Variants in PDIA2 observed in about 807,000 individuals in gnomAD.
The protein encoded by PDIA2 is protein disulfide isomerase family A member 2.
A neutral mutation model predicts 51.1 loss-of-function variants in PDIA2; 76 were observed. That is an observed-to-expected ratio of 1.49 (90% CI 1.24 to 1.80). PDIA2 has a LOEUF of 1.80. PDIA2 is among the 40% of genes most tolerant of loss of function. The pLI is 0.00. For synonymous variants in PDIA2, 429 were observed against 309.9 expected, an observed-to-expected ratio of 1.38 and a Z score of -4.04; for missense variants, 946 against 706.5, an observed-to-expected ratio of 1.34 and a Z score of -3.84.
chr16:286,398 C>T lies in PDIA2; in HGVS notation c.1165C>T (p.Pro389Ser), dbSNP rs771034938. The change falls in exon 8 of 11, where the codon CCA (proline) becomes TCA (serine). Residue 389 changes from proline to serine, a missense_variant. Pro to Ser is a moderately conservative substitution (Grantham distance 74). Coordinates refer to ENST00000219406, the MANE Select transcript of PDIA2 (RefSeq NM_006849.4). ...QEIPPDWDQR[P>S]VKTLVGKNFE... ...GATACCCCCTGATTGGGATCAGCGG[C>T]CAGTTAAGACCCTCGTGGGCAAGAA... The T allele has an allele frequency of 5.6e-6, 9 of 1,611,766 alleles. No individual in the cohort carries two copies. The Admixed American group carries it at 1.5e-4, about 27-fold the overall frequency.
At position 285,528 on chromosome 16, in the gene PDIA2, TGGC is replaced by T. The variant is rs1439244639; in HGVS notation, c.948_950del (p.Ala317del). On this transcript the variant is annotated inframe_deletion, in exon 7 of 11. Transcript: ENST00000219406. The stretch of plus-strand genomic sequence containing the variant: ...CAGGTGCTGTTCGTGGTGGTGGACG[TGGC>T]GGCCGACAATGAGCACGTGCTGCAG... 1 of 1,612,836 alleles carries T rather than the reference TGGC, an allele frequency of 6.2e-7. No homozygotes were observed. The highest frequency in any genetic ancestry group is 2.2e-5 in the East Asian group (1 of 44,870).
chr16:286,306 A>G (rs1468817340), intron 7 of PDIA2, 47 bp from the exon 8 acceptor site: 1 of 1,519,456 alleles, frequency 6.6e-7, no homozygotes. Context: ...GACCTCCTGA[A>G]CCCTGCAGAG....
At position 287,195 on chromosome 16, in the gene PDIA2, A is replaced by G. The variant is rs2052400201; in HGVS notation, c.*82A>G. The stretch of plus-strand genomic sequence containing the variant: ...CAGAGGGAGCTGTGCATTGTGAATA[A>G]AGAGTGAGCTTGGTTCTGGACTCTG... On this transcript the variant is annotated 3_prime_UTR_variant, in exon 11 of 11. Transcript: ENST00000219406. The G allele has an allele frequency of 2.6e-6, 4 of 1,563,648 alleles. No individual in the cohort carries two copies. The highest frequency in any genetic ancestry group is 2.6e-6 in the Non-Finnish European group (3 of 1,138,752).
chr16:284,419 GC>G lies in PDIA2; in HGVS notation c.237del (p.Glu80SerfsTer35). The G allele has an allele frequency of 1.9e-6, 3 of 1,578,030 alleles. No individual in the cohort carries two copies. ...APWCGHCQAL[A>X]PEYSKAAAVL... ...GTGGTGTGGGCACTGCCAGGCCCTG[GC>G]CCCCGAGTACAGCAAGGCAGCTGCC... On this transcript the variant is annotated frameshift_variant, in exon 2 of 11. Coordinates refer to ENST00000219406, the MANE Select transcript of PDIA2 (RefSeq NM_006849.4). LOFTEE classifies it high-confidence loss of function.
Position 286,936 on chromosome 16 carries a change from C to G in PDIA2, c.1524C>G (p.Ala508=), listed in dbSNP as rs1192036072. The change falls in exon 10 of 11, where the codon GCC becomes GCG. Residue 508 remains alanine, a synonymous_variant. Transcript: ENST00000219406. The part of the protein sequence containing the change: ...PTEEPPEEPA[A]PFPEPPANST... ...AGGAGCCCCCGGAGGAGCCAGCAGC[C>G]CCGTTCCCGGTGGGTGTCCCTAAGC... The G allele has an allele frequency of 6.3e-7, 1 of 1,599,808 alleles. No individual in the cohort carries two copies. The highest frequency in any genetic ancestry group is 8.5e-7 in the Non-Finnish European group (1 of 1,174,672).
rs1264196937 is a variant in PDIA2, at chr16:285,290, A to G, written c.796-22A>G. The G allele has an allele frequency of 2.5e-6, 4 of 1,612,314 alleles. No homozygotes were observed. The Admixed American group carries it at 5.0e-5, about 20-fold the overall frequency. ...CCTAGGCTGGGGGTCCTGTGGAGTC[A>G]TGAGCACCCTCCCTACTGTAGACGT... is the stretch of plus-strand genomic sequence containing the variant. On this transcript the variant is annotated intron_variant, in intron 5 of 10. Transcript: ENST00000219406.
rs2052309619 is a variant in PDIA2 at position 283,310 on chromosome 16, G to T, written c.141G>T (p.Leu47=). 1 of 1,610,454 alleles carries T rather than the reference G, an allele frequency of 6.2e-7. No individual in the cohort carries two copies. Among genetic ancestry groups the T allele is most frequent in the African/African-American group, 1.3e-5 (1 of 74,812 alleles). The change falls in exon 1 of 11, where the codon CTG becomes CTT. Residue 47 remains leucine (L), a synonymous_variant. Coordinates refer to ENST00000219406, the MANE Select transcript of PDIA2 (RefSeq NM_006849.4). ...EIPKEDGILV[L]SRHTLGLALR... is the part of the protein sequence containing the mutation. Reference sequence around the variant, plus strand: ...CCAAGGAGGATGGGATCTTGGTGCTGAGCCGCCACACCCTGGGCCTGGCCC... The same window carrying T: ...CCAAGGAGGATGGGATCTTGGTGCTTAGCCGCCACACCCTGGGCCTGGCCC...
rs776190404 is a variant in PDIA2, at chr16:283,178, C to T, written c.9C>T (p.Arg3=). 8 of 1,539,702 alleles carry T rather than the reference C, an allele frequency of 5.2e-6. No homozygotes were observed. Among genetic ancestry groups the T allele is most frequent in the South Asian group, 1.2e-5 (1 of 81,568 alleles). MS[R]QLLPVLLLLL... ...CGCGCCCTGGCAGCACCATGAGCCG[C>T]CAGCTTCTGCCTGTACTGCTGCTGC... Residue 3 remains arginine, a synonymous_variant, in exon 1 of 11, where the codon CGC becomes CGT. Transcript: ENST00000219406.
rs145351921 is a variant in PDIA2, at chr16:285,530, G to T, written c.946G>T (p.Ala316Ser). ...GGTGCTGTTCGTGGTGGTGGACGTG[G>T]CGGCCGACAATGAGCACGTGCTGCA... ...GQVLFVVVDV[A>S]ADNEHVLQYF... The change falls in exon 7 of 11, where the codon GCG becomes TCG. Residue 316 changes from alanine to serine, a missense_variant. Physicochemically the swap from Ala to Ser is moderately conservative, Grantham distance 99. Transcript: ENST00000219406. 3.7e-3 allele frequency: 5,942 copies of T among 1,612,990 alleles called. 8 individuals carry two copies. Among genetic ancestry groups the T allele is most frequent in the Non-Finnish European group, 4.3e-3 (5,061 of 1,179,938 alleles).
Position 285,029 on chromosome 16 carries a change from A to G in PDIA2, c.678+14A>G. 1 of 1,613,290 alleles carries G rather than the reference A, an allele frequency of 6.2e-7. No individual in the cohort carries two copies. The highest frequency in any genetic ancestry group is 1.3e-5 in the African/African-American group (1 of 75,048). Reference sequence around the variant, plus strand: ...CTCTTCAAGAAGGTAGGTCAGGCCCAGGTGTGGGTTGGGGTCCGGCTGCAG... The same window carrying G: ...CTCTTCAAGAAGGTAGGTCAGGCCCGGGTGTGGGTTGGGGTCCGGCTGCAG... On this transcript the variant is annotated intron_variant, in intron 4 of 10. Transcript: ENST00000219406.
intron 1 of PDIA2, 142 bp downstream of exon 1, chr16:283,510 G>GGGGCCTCCCCGCAGGCACTTGCCCCCA: frequency 3.3e-6 from 3 of 915,862 alleles, no homozygotes; most frequent in Non-Finnish European, 4.7e-6. Flanking sequence ...GTGCCCAGGA[G>GGGGCCTCCCCGCAGGCACTTGCCCCCA]CTCTCTAGGA....
chr16:286,960 G>A lies in PDIA2; in HGVS notation c.1533+15G>A, dbSNP rs1439984703. 3 of 1,604,736 alleles carry A rather than the reference G, an allele frequency of 1.9e-6. No homozygotes were observed. The African/African-American group carries it at 4.0e-5, about 22-fold the overall frequency. ...CCCCGTTCCCGGTGGGTGTCCCTAAGCCAGGGCTCCAGGCCTCTGCACAAA... is the reference window on the plus strand; with the variant it reads ...CCCCGTTCCCGGTGGGTGTCCCTAAACCAGGGCTCCAGGCCTCTGCACAAA... On this transcript the variant is annotated intron_variant, in intron 10 of 10. Transcript: ENST00000219406.
In PDIA2 at chr16:286,405, A is replaced by C; in HGVS notation, c.1172A>C (p.Lys391Thr). Residue 391 changes from lysine (K) to threonine (T), a missense_variant, in exon 8 of 11, where the codon AAG becomes ACG. Coordinates refer to ENST00000219406, the MANE Select transcript of PDIA2 (RefSeq NM_006849.4). The stretch of plus-strand genomic sequence containing the variant: ...CCTGATTGGGATCAGCGGCCAGTTA[A>C]GACCCTCGTGGGCAAGAATTTTGAG... ...IPPDWDQRPVKTLVGKNFEQV... is the reference protein window; with the variant it reads ...IPPDWDQRPVTTLVGKNFEQV... 7.4e-6 allele frequency: 12 copies of C among 1,612,308 alleles called. No homozygotes were observed. The highest frequency in any genetic ancestry group is 1.0e-5 in the Non-Finnish European group (12 of 1,179,764).
In PDIA2 at chr16:284,438, C is replaced by T. The variant is rs1466415986; in HGVS notation, c.251C>T (p.Ala84Val). 2.4e-5 allele frequency: 38 copies of T among 1,591,502 alleles called. No homozygotes were observed. Among genetic ancestry groups the T allele is most frequent in the Non-Finnish European group, 3.1e-5 (36 of 1,171,342 alleles). ...CQALAPEYSK[A>V]AAVLAAESMV... ...GCCCTGGCCCCCGAGTACAGCAAGG[C>T]AGCTGCCGTGCTCGCGGCCGAGTCA... The change falls in exon 2 of 11, where the codon GCA becomes GTA. Residue 84 changes from alanine to valine, a missense_variant. Coordinates refer to ENST00000219406, the MANE Select transcript of PDIA2 (RefSeq NM_006849.4).
chr16:285,792 C>A lies in PDIA2; in HGVS notation c.1119+89C>A, dbSNP rs541617541. On this transcript the variant is annotated intron_variant, in intron 7 of 10. Coordinates refer to ENST00000219406, the MANE Select transcript of PDIA2 (RefSeq NM_006849.4). ...GGTGGGAACAGCAGCTCTCAGAGCCCCCTGCCCCTGCAGGCCCCGCAGAGG... is the reference window on the plus strand; with the variant it reads ...GGTGGGAACAGCAGCTCTCAGAGCCACCTGCCCCTGCAGGCCCCGCAGAGG... The A allele has an allele frequency of 1.6e-4, 232 of 1,416,316 alleles. No individual in the cohort carries two copies. The African/African-American group carries it at 3.0e-3, about 18-fold the overall frequency. 87.7% of individuals were successfully genotyped at this position (1,416,316 alleles called of 1,614,324 possible). A position where few individuals can be genotyped will look rare whatever the true frequency, so the allele number is the denominator to read the frequency against.
chr16:284,624 G>A, intron 2 of PDIA2, 31 bp downstream of exon 2: 1 of 1,606,158 alleles, frequency 6.2e-7, no homozygotes, highest in Admixed American at 1.7e-5. Context: ...TGGGGGGGCG[G>A]TGGCCAGGCC....
In PDIA2 at chr16:283,197, C is replaced by T; in HGVS notation, c.28C>T (p.Leu10=). ...GAGCCGCCAGCTTCTGCCTGTACTG[C>T]TGCTGCTGCTGCTCAGGGCTTCGTG... MSRQLLPVL[L]LLLLRASCPW... The change falls in exon 1 of 11, where the codon CTG becomes TTG. Residue 10 remains leucine (L), a synonymous_variant. Coordinates refer to ENST00000219406, the MANE Select transcript of PDIA2 (RefSeq NM_006849.4). 6.3e-7 allele frequency: 1 copy of T among 1,597,132 alleles called. No individual in the cohort carries two copies. Among genetic ancestry groups the T allele is most frequent in the Non-Finnish European group, 8.5e-7 (1 of 1,171,960 alleles).
Position 284,642 on chromosome 16 carries a change from AG to A in PDIA2, c.407-12del. Reference sequence around the variant, plus strand: ...GGGGGCGGTGGCCAGGCCGAGGCTGAGGGGGACTCCCTGCAGGACCACGGGA... The same window carrying A: ...GGGGGCGGTGGCCAGGCCGAGGCTGAGGGGACTCCCTGCAGGACCACGGGA... On this transcript the variant is annotated splice_polypyrimidine_tract_variant and intron_variant, in intron 2 of 10. Coordinates refer to ENST00000219406, the MANE Select transcript of PDIA2 (RefSeq NM_006849.4). 6.2e-7 allele frequency: 1 copy of A among 1,601,114 alleles called. No homozygotes were observed.
chr16:286,516 GC>G (rs752674558), intron 8 of PDIA2, 37 bp from the exon 9 acceptor site: 3 of 1,612,696 alleles, frequency 1.9e-6, no homozygotes, highest in Middle Eastern at 1.7e-4. Context: ...CTGGGCAGGG[GC>G]TGCCCAGATG....
Sources: gnomAD v4.1 joint callset for allele counts on GRCh38, gnomAD v4.1.1 for gene constraint, MANE v1.5 for transcripts, NCBI Gene and HGNC (gene_info 2026-07-23, HGNC 2026-07-21) for gene names.